CSGALNACT1: variants seen among roughly 807,000 people sequenced by gnomAD.
CSGALNACT1 encodes the protein chondroitin sulfate N-acetylgalactosaminyltransferase 1, also known as beta4GalNAcT-1.
CSGALNACT1 carries 52 observed loss-of-function variants against 51.0 expected under a neutral mutation model. The ratio of observed to expected loss-of-function variants is 1.02; its 90% CI spans 0.82 to 1.29. CSGALNACT1 has a LOEUF of 1.29. Ranked by LOEUF, CSGALNACT1 falls within the 50% of genes most tolerant of loss-of-function variation. The probability of loss-of-function intolerance (pLI) is 0.00; values close to 1 mark genes in which losing one functional copy is unlikely to be tolerated. For synonymous variants in CSGALNACT1, 341 were observed against 254.4 expected (o/e 1.34, Z -3.24); for missense variants, 935 against 679.2 (o/e 1.38, Z -4.19).
intron 4 of CSGALNACT1, among the ~76,000 whole-genome samples, chr8:19,497,319 G>A (rs2075666832): frequency 6.6e-6 from 1 of 152,042 alleles, no homozygotes; most frequent in African/African-American, 2.4e-5. Flanking sequence ...TCAATTGCAG[G>A]GCTGAACAGA....
intron 1 of CSGALNACT1, among the ~76,000 whole-genome samples, chr8:19,665,092 C>T (rs1374191582): frequency 6.6e-6 from 1 of 152,184 alleles, no homozygotes; most frequent in Non-Finnish European, 1.5e-5. Flanking sequence ...TGGCTCACTG[C>T]AACCTCTAAC....
At chr8:19,613,900 G>T (rs1340446807) in intron 1 of CSGALNACT1, among the ~76,000 whole-genome samples, 1 of 152,128 alleles carries the variant, frequency 6.6e-6, no homozygotes, top group Non-Finnish European at 1.5e-5. Flanking sequence ...TCCATCCAGT[G>T]GTTGAGGACT....
chr8:19,574,905 G>A (rs1322941583), intron 3 of CSGALNACT1, among the ~76,000 whole-genome samples: 1 of 152,014 alleles, frequency 6.6e-6, no homozygotes, highest in Admixed American at 6.6e-5. Flanking sequence ...CATGGTAGCG[G>A]GTACCTGTAG....
Position 19,465,118 on chromosome 8 carries a change from A to T in CSGALNACT1, c.635-6476T>A, listed in dbSNP as rs1250687949. On this transcript the variant is annotated intron_variant, in intron 4 of 9. Transcript: ENST00000454498. Reference sequence around the variant, plus strand: ...CACACCCCCATCAACAGATAAATGGATAAACAAAATGTGGTCCACCCATAC... The same window carrying T: ...CACACCCCCATCAACAGATAAATGGTTAAACAAAATGTGGTCCACCCATAC... Among the ~76,000 whole-genome samples, 19 of 152,228 alleles carry T rather than the reference A, an allele frequency of 1.2e-4. No individual in the cohort carries two copies. The East Asian group carries it at 3.7e-3, about 29-fold the overall frequency.
At chr8:19,667,817 A>T (rs933023144) in intron 1 of CSGALNACT1, among the ~76,000 whole-genome samples, 11 of 152,242 alleles carry the variant, frequency 7.2e-5, no homozygotes, top group African/African-American at 2.7e-4. Context: ...TATTTTCATT[A>T]TAAGGGTATT....
intron 3 of CSGALNACT1, among the ~76,000 whole-genome samples, chr8:19,551,640 G>T (rs1169890406): frequency 6.6e-6 from 1 of 152,078 alleles, no homozygotes; most frequent in African/African-American, 2.4e-5. Context: ...TCCTAGTTCT[G>T]ACCACCAATC....
rs77329590 is a variant in CSGALNACT1, at chr8:19,668,675, C to G, written c.-544+13798G>C. 3.3e-3 allele frequency among the ~76,000 whole-genome samples: 498 copies of G among 152,294 alleles called. 20 individuals are homozygous for G. The East Asian group carries it at 0.044, about 13-fold the overall frequency. ...GTTCAAGCAATTCTCCTGCCTCAGCCTCCCAAGTAGCTGGCATTAAAGGCG... is the reference window on the plus strand; with the variant it reads ...GTTCAAGCAATTCTCCTGCCTCAGCGTCCCAAGTAGCTGGCATTAAAGGCG... On this transcript the variant is annotated intron_variant, in intron 1 of 9. Coordinates refer to the CSGALNACT1 transcript ENST00000332246.
chr8:19,406,856 A>G (rs757280683), intron 9 of CSGALNACT1, among the ~76,000 whole-genome samples: 3 of 152,098 alleles, frequency 2.0e-5, no homozygotes, highest in Non-Finnish European at 2.9e-5. Context: ...CAACAGGCAC[A>G]TGTCACCATG....
At chr8:19,752,426 T>A (rs2154254117) in intron 1 of CSGALNACT1, among the ~76,000 whole-genome samples, 1 of 152,280 alleles carries the variant, frequency 6.6e-6, no homozygotes, top group East Asian at 1.9e-4. Flanking sequence ...CAGCCCTGTG[T>A]ACGTATGTTG....
chr8:19,567,018 A>T (rs1332144661), intron 3 of CSGALNACT1, among the ~76,000 whole-genome samples: 1 of 152,180 alleles, frequency 6.6e-6, no homozygotes, highest in Non-Finnish European at 1.5e-5. Flanking sequence ...TAATATCCCC[A>T]ATTCACTCAT....
At chr8:19,568,314 G>C (rs1484879932) in intron 3 of CSGALNACT1, among the ~76,000 whole-genome samples, 1 of 152,108 alleles carries the variant, frequency 6.6e-6, no homozygotes, top group African/African-American at 2.4e-5. Flanking sequence ...TGTAACACAA[G>C]GGTAAGTATT....
chr8:19,629,989 G>A (rs575215642), intron 1 of CSGALNACT1, among the ~76,000 whole-genome samples: 15 of 152,150 alleles, frequency 9.9e-5, no homozygotes, highest in Non-Finnish European at 2.2e-4. Context: ...AGGGATCAGG[G>A]GAGTCCGACA....
intron 1 of CSGALNACT1, among the ~76,000 whole-genome samples, chr8:19,695,031 T>C (rs2061516906): frequency 6.6e-6 from 1 of 152,044 alleles, no homozygotes; most frequent in Non-Finnish European, 1.5e-5. Context: ...TACAGCTCAC[T>C]CCTCCTCTGC....
chr8:19,633,645 T>C (rs1055705654), intron 1 of CSGALNACT1, among the ~76,000 whole-genome samples: 2 of 152,198 alleles, frequency 1.3e-5, no homozygotes, highest in Admixed American at 6.5e-5. Flanking sequence ...TTTTCCCCTA[T>C]GGGTTTTAAC....
At chr8:19,507,581 G>C (rs181801440) in intron 3 of CSGALNACT1, among the ~76,000 whole-genome samples, 178 of 127,512 alleles carry the variant, frequency 1.4e-3, no homozygotes, top group African/African-American at 5.3e-3. Context: ...AGACCAAATA[G>C]AATTTCTTGT....
chr8:19,414,334 A>T (rs1271956737), intron 8 of CSGALNACT1, among the ~76,000 whole-genome samples: 1 of 150,552 alleles, frequency 6.6e-6, no homozygotes. Context: ...TAGAAGTGGT[A>T]GGAGGCTCCT....
intron 5 of CSGALNACT1, among the ~76,000 whole-genome samples, chr8:19,440,951 G>A (rs1173737551): frequency 6.6e-6 from 1 of 152,154 alleles, no homozygotes; most frequent in Non-Finnish European, 1.5e-5. Flanking sequence ...CCAATCATGA[G>A]TGAACTCCCA....
At chr8:19,508,810 G>A (rs1293538352) in intron 3 of CSGALNACT1, among the ~76,000 whole-genome samples, 1 of 152,158 alleles carries the variant, frequency 6.6e-6, no homozygotes, top group Non-Finnish European at 1.5e-5. Flanking sequence ...CATAAAAGAT[G>A]AAAAGCATGT....
chr8:19,531,196 A>C (rs1256505801), intron 3 of CSGALNACT1, among the ~76,000 whole-genome samples: 1 of 152,230 alleles, frequency 6.6e-6, no homozygotes, highest in African/African-American at 2.4e-5. Context: ...CAAGGGAGGC[A>C]GATATCTATC....
Sources: allele counts gnomAD v4.1 joint callset (sites outside exome capture counted in the v4.1 genomes callset), GRCh38; gene constraint gnomAD v4.1.1; transcripts MANE v1.5; gene names NCBI Gene and HGNC (gene_info 2026-07-23, HGNC 2026-07-21).